Variants in EXOC6B observed in about 807,000 individuals in gnomAD.
EXOC6B encodes exocyst complex component 6B, also known as SEC15 homolog B.
EXOC6B carries 54 observed loss-of-function variants against 113.5 expected under a neutral mutation model. The observed-to-expected ratio is 0.48, with a 90% CI of 0.38 to 0.60. The LOEUF (loss-of-function observed/expected upper bound fraction) is 0.60. Ranked by LOEUF, EXOC6B falls within the 20% of genes least tolerant of loss-of-function variation. The probability of loss-of-function intolerance (pLI) is 0.00; values close to 1 mark genes in which losing one functional copy is unlikely to be tolerated. For missense variants in EXOC6B, 797 were observed against 977.5 expected (o/e 0.82, Z 2.46); for synonymous variants, 357 against 339.0 (o/e 1.05, Z -0.58).
intron 20 of EXOC6B, among the ~76,000 whole-genome samples, chr2:72,330,101 G>C (rs543096563): frequency 1.3e-5 from 2 of 152,014 alleles, no homozygotes; most frequent in Non-Finnish European, 2.9e-5. Flanking sequence ...AAAAACTTAA[G>C]TATATATCAG....
chr2:72,392,244 T>C (rs1257215452), intron 18 of EXOC6B, among the ~76,000 whole-genome samples: 1 of 152,146 alleles, frequency 6.6e-6, no homozygotes, highest in Non-Finnish European at 1.5e-5. Flanking sequence ...CCCTTGGCCT[T>C]GGTCAACATA....
At chr2:72,319,562 C>T (rs758358472) in intron 20 of EXOC6B, among the ~76,000 whole-genome samples, 6 of 152,176 alleles carry the variant, frequency 3.9e-5, no homozygotes, top group Non-Finnish European at 7.3e-5. Flanking sequence ...TCAACATCAA[C>T]GTACAAAAAC....
chr2:72,504,207 C>T (rs562654156), intron 11 of EXOC6B, among the ~76,000 whole-genome samples: 1 of 152,192 alleles, frequency 6.6e-6, no homozygotes, highest in South Asian at 2.1e-4. Context: ...CATGGCTGGC[C>T]TTGTTTTCTT....
At chr2:72,348,087 C>A (rs1420565284) in intron 19 of EXOC6B, among the ~76,000 whole-genome samples, 1 of 152,110 alleles carries the variant, frequency 6.6e-6, no homozygotes, top group Non-Finnish European at 1.5e-5. Context: ...ACTCCAAGAT[C>A]AAGGCACCTA....
chr2:72,658,387 T>C lies in EXOC6B; in HGVS notation c.669+59716A>G, dbSNP rs562920291. ...CAGGGACCAAAAATACTTTTCTTAATGTTAAGTGCACCAAACATTTTTCTT... is the reference window on the plus strand; with the variant it reads ...CAGGGACCAAAAATACTTTTCTTAACGTTAAGTGCACCAAACATTTTTCTT... On this transcript the variant is annotated intron_variant, in intron 6 of 21. Coordinates refer to ENST00000272427, the MANE Select transcript of EXOC6B (RefSeq NM_015189.3). Among the ~76,000 whole-genome samples, 3 of 151,496 alleles carry C rather than the reference T, an allele frequency of 2.0e-5. No homozygotes were observed. The South Asian group carries it at 6.2e-4, about 32-fold the overall frequency.
chr2:72,495,324 T>C (rs1699977035), intron 15 of EXOC6B, 106 bp downstream of exon 15: 4 of 592,394 alleles, frequency 6.8e-6, no homozygotes. Flanking sequence ...ATTATTAAGA[T>C]TTCCAAAATC....
chr2:72,808,913 T>C (rs973033773), intron 1 of EXOC6B, among the ~76,000 whole-genome samples: 4 of 152,050 alleles, frequency 2.6e-5, no homozygotes, highest in African/African-American at 7.2e-5. Context: ...CTATAAAAGA[T>C]AAAAATTAAA....
intron 6 of EXOC6B, among the ~76,000 whole-genome samples, chr2:72,659,607 A>G (rs2104442742): frequency 6.6e-6 from 1 of 152,218 alleles, no homozygotes; most frequent in South Asian, 2.1e-4. Context: ...TGCATCCAAA[A>G]TTTCACTATT....
chr2:72,733,994 C>T (rs771310723), intron 2 of EXOC6B, among the ~76,000 whole-genome samples: 2 of 152,138 alleles, frequency 1.3e-5, no homozygotes, highest in African/African-American at 4.8e-5. Flanking sequence ...CATGCACATG[C>T]GAGCACACAC....
chr2:72,519,071 T>C (rs184358248), intron 8 of EXOC6B, among the ~76,000 whole-genome samples: 2 of 152,272 alleles, frequency 1.3e-5, no homozygotes, highest in East Asian at 3.9e-4. Context: ...ATTTGTGAAT[T>C]TGCCTACTTG....
At chr2:72,342,810 C>T (rs1043899956) in intron 19 of EXOC6B, among the ~76,000 whole-genome samples, 7 of 151,958 alleles carry the variant, frequency 4.6e-5, no homozygotes, top group African/African-American at 1.7e-4. Flanking sequence ...AAACAGAAAA[C>T]AATGAAAAGA....
chr2:72,349,546 T>C (rs999508062), intron 19 of EXOC6B, among the ~76,000 whole-genome samples: 3 of 152,078 alleles, frequency 2.0e-5, no homozygotes, highest in Non-Finnish European at 4.4e-5. Context: ...TAAAACCCCA[T>C]ATAAAAACTC....
intron 18 of EXOC6B, among the ~76,000 whole-genome samples, chr2:72,405,872 T>G (rs1022554940): frequency 3.3e-5 from 5 of 152,144 alleles, no homozygotes; most frequent in African/African-American, 1.2e-4. Flanking sequence ...TAAATGTAAA[T>G]GGGCTAAATG....
chr2:72,812,817 T>C (rs547882331), intron 1 of EXOC6B, among the ~76,000 whole-genome samples: 38 of 152,246 alleles, frequency 2.5e-4, no homozygotes, highest in African/African-American at 7.9e-4. Context: ...AGAATCAGTC[T>C]ACCAGTATCA....
At chr2:72,646,927 C>T (rs1189903527) in intron 6 of EXOC6B, among the ~76,000 whole-genome samples, 1 of 152,120 alleles carries the variant, frequency 6.6e-6, no homozygotes, top group Non-Finnish European at 1.5e-5. Context: ...TCCTATTCAA[C>T]ATAATGTTGG....
intron 6 of EXOC6B, among the ~76,000 whole-genome samples, chr2:72,644,852 C>T (rs758697880): frequency 3.9e-5 from 6 of 152,148 alleles, no homozygotes; most frequent in Non-Finnish European, 7.3e-5. Flanking sequence ...TTGTAAAGAA[C>T]ATCGATGCTA....
chr2:72,451,676 G>T (rs2105363882), intron 18 of EXOC6B, among the ~76,000 whole-genome samples: 1 of 151,988 alleles, frequency 6.6e-6, no homozygotes, highest in East Asian at 1.9e-4. Flanking sequence ...GTGTGTGTGT[G>T]TGTGTGTGTG....
chr2:72,663,293 T>C (rs985479845), intron 6 of EXOC6B, among the ~76,000 whole-genome samples: 1 of 152,174 alleles, frequency 6.6e-6, no homozygotes, highest in Non-Finnish European at 1.5e-5. Flanking sequence ...TACATATGTA[T>C]AATATATGTC....
At chr2:72,561,667 G>A (rs544961208) in intron 7 of EXOC6B, among the ~76,000 whole-genome samples, 11 of 152,164 alleles carry the variant, frequency 7.2e-5, no homozygotes, top group East Asian at 1.9e-4. Context: ...TAACAAAGAC[G>A]TTTTGTTACT....
Sources: gnomAD v4.1 joint callset for allele counts (sites outside exome capture counted in the v4.1 genomes callset) on GRCh38, gnomAD v4.1.1 for gene constraint, MANE v1.5 for transcripts, NCBI Gene and HGNC (gene_info 2026-07-23, HGNC 2026-07-21) for gene names.